TRIOBP: variants seen among roughly 807,000 people sequenced by gnomAD.
TRIOBP encodes TRIO and F-actin-binding protein.
In TRIOBP, 169 loss-of-function variants were observed where a neutral mutation model predicts 238.8. That is an observed-to-expected ratio of 0.71 (90% CI 0.62 to 0.80). The LOEUF is 0.80. Ranked by LOEUF, TRIOBP falls within the 30% of genes least tolerant of loss-of-function variation. The pLI is 0.00. For synonymous variants in TRIOBP, 1,150 were observed against 1,274.4 expected (o/e 0.90, Z 2.08); for missense variants, 2,838 against 3,122.6 (o/e 0.91, Z 2.17).
chr22:37,750,660 G>A (rs1569054113), intron 11 of TRIOBP: 1 of 471,012 alleles, frequency 2.1e-6, no homozygotes, highest in Non-Finnish European at 4.4e-6. Context: ...GGAGGGGCTG[G>A]GATGCCAACC....
chr22:37,725,628 T>G lies in TRIOBP; in HGVS notation c.3072T>G (p.Pro1024=). 1 of 1,581,316 alleles carries G rather than the reference T, an allele frequency of 6.3e-7. No individual in the cohort carries two copies. Among genetic ancestry groups the G allele is most frequent in the Non-Finnish European group, 8.6e-7 (1 of 1,165,588 alleles). The change falls in exon 7 of 24, where the codon CCT becomes CCG. Residue 1024 remains proline (P), a synonymous_variant. Transcript: ENST00000644935. ...TGTGCATTGGGCACCGGGATGCCCC[T>G]CGAGCCTCTTCGCCCCCTCGCTATT... ...CAVCIGHRDA[P]RASSPPRYLQ...
intron 17 of TRIOBP, among the ~76,000 whole-genome samples, chr22:37,761,957 T>A (rs1338448285): frequency 1.3e-5 from 2 of 150,054 alleles, no homozygotes; most frequent in Non-Finnish European, 3.0e-5. Flanking sequence ...CCAGGGGGCT[T>A]CTGCCTGCGT....
chr22:37,734,559 G>A lies in TRIOBP; in HGVS notation c.4223G>A (p.Arg1408Gln), dbSNP rs368100233. 24 of 1,589,340 alleles carry A rather than the reference G, an allele frequency of 1.5e-5. No individual in the cohort carries two copies. In the African/African-American group the frequency reaches 2.3e-4, roughly 15 times the overall value. The change falls in exon 9 of 24, where the codon CGG (arginine) becomes CAG (glutamine). Residue 1408 changes from arginine (R) to glutamine (Q), a missense_variant. Arg to Gln is a conservative substitution (Grantham distance 43, BLOSUM62 1). This residue lies in a region of TRIOBP where 2,096 missense variants were observed against 2,137.4 expected (regional missense o/e 0.98). Transcript: ENST00000644935. ...TSARTPEREL[R>Q]TQRPLESGQA... ...GCCAGGACCCCTGAGAGGGAGCTGCGGACACAGAGACCTCTGGAGAGTGGC... is the reference window on the plus strand; with the variant it reads ...GCCAGGACCCCTGAGAGGGAGCTGCAGACACAGAGACCTCTGGAGAGTGGC...
In TRIOBP at chr22:37,701,497, G is replaced by A. The variant is rs372772150; in HGVS notation, c.114+18G>A. The A allele has an allele frequency of 1.7e-5, 26 of 1,574,268 alleles. No homozygotes were observed. The African/African-American group carries it at 2.2e-4, about 13-fold the overall frequency. ...GATACCAGGTGGGCCAGTTTTCCAC[G>A]TGGTTGGGGTGGTTTGTGATGGGGG... On this transcript the variant is annotated intron_variant, in intron 3 of 23. Coordinates refer to ENST00000644935, the MANE Select transcript of TRIOBP (RefSeq NM_001039141.3).
chr22:37,735,053 G>A lies in TRIOBP; in HGVS notation c.4717G>A (p.Val1573Ile), dbSNP rs763491817. The A allele has an allele frequency of 6.2e-6, 10 of 1,607,368 alleles. No individual in the cohort carries two copies. The highest frequency in any genetic ancestry group is 1.3e-5 in the African/African-American group (1 of 74,790). Residue 1573 changes from valine to isoleucine, a missense_variant, in exon 9 of 24, where the codon GTC becomes ATC. Val to Ile is a conservative substitution (Grantham distance 29, BLOSUM62 3). Around this residue, in one of 5 missense-constraint regions of TRIOBP, gnomAD observed 2,096 missense variants for 2,137.4 expected, o/e 0.98. Coordinates refer to ENST00000644935, the MANE Select transcript of TRIOBP (RefSeq NM_001039141.3). ...CCTTCTCCGGGCACCAGGAGAGGGG[G>A]TCTGGGCCCGTGTCCCCAGCCTGGA... ...LGLLRAPGEG[V>I]WARVPSLDWE...
intron 15 of TRIOBP, among the ~76,000 whole-genome samples, chr22:37,756,680 A>T (rs1452481826): frequency 1.3e-5 from 2 of 152,238 alleles, no homozygotes; most frequent in Non-Finnish European, 2.9e-5. Flanking sequence ...CTGCCGTTTC[A>T]GGGGAGCCAC....
intron 6 of TRIOBP, among the ~76,000 whole-genome samples, chr22:37,716,153 C>G (rs932990577): frequency 1.3e-5 from 2 of 152,142 alleles, no homozygotes; most frequent in African/African-American, 4.8e-5. Context: ...GCTCTGTTGC[C>G]CAGGCTAGAG....
intron 7 of TRIOBP, among the ~76,000 whole-genome samples, chr22:37,732,942 G>C (rs1156564237): frequency 6.6e-6 from 1 of 152,248 alleles, no homozygotes; most frequent in East Asian, 1.9e-4. Context: ...ACCTTTGTCT[G>C]GGGGTGGCTC....
At position 37,745,127 on chromosome 22, in the gene TRIOBP, G is replaced by A. The variant is rs528168119; in HGVS notation, c.5322+4095G>A. On this transcript the variant is annotated intron_variant, in intron 11 of 23. Transcript: ENST00000644935. ...GATCCACCCACCTCAGCCTCCCAAA[G>A]TGTTGGGATTACAGACCTGAACCAC... Among the ~76,000 whole-genome samples the A allele has an allele frequency of 9.2e-5, 14 of 152,210 alleles. No individual in the cohort carries two copies. The South Asian group carries it at 2.9e-3, about 32-fold the overall frequency.
In TRIOBP at chr22:37,725,674, T is replaced by A; in HGVS notation, c.3118T>A (p.Phe1040Ile). The A allele has an allele frequency of 6.2e-7, 1 of 1,611,016 alleles. No homozygotes were observed. Among genetic ancestry groups the A allele is most frequent in the Non-Finnish European group, 8.5e-7 (1 of 1,179,156 alleles). ...CTATTTGCAGCACGACCCCTTCCCCTTCTTCCCAGAGCCCCGCGCCCCTGA... is the reference window on the plus strand; with the variant it reads ...CTATTTGCAGCACGACCCCTTCCCCATCTTCCCAGAGCCCCGCGCCCCTGA... ...PRYLQHDPFP[F>I]FPEPRAPESE... The change falls in exon 7 of 24, where the codon TTC (phenylalanine) becomes ATC (isoleucine). Residue 1040 changes from phenylalanine (F) to isoleucine (I), a missense_variant. Around this residue, in one of 5 missense-constraint regions of TRIOBP, gnomAD observed 2,096 missense variants for 2,137.4 expected, o/e 0.98. Coordinates refer to ENST00000644935, the MANE Select transcript of TRIOBP (RefSeq NM_001039141.3).
rs1442841623 is a variant in TRIOBP, at chr22:37,751,189, G to A, written c.5323-583G>A. On this transcript the variant is annotated intron_variant, in intron 11 of 23. Transcript: ENST00000644935. ...ACCCCGGGGCTGTGCCCCCCTGGGC[G>A]GCACCCAGAAGGTAGGGCTTGCCAG... The A allele has an allele frequency of 3.3e-5, 13 of 389,830 alleles. No homozygotes were observed. The East Asian group carries it at 7.0e-4, about 21-fold the overall frequency. 24.1% of individuals were successfully genotyped at this position (389,830 alleles called of 1,614,324 possible).
At chr22:37,734,066 C>G (rs1924546009) in intron 8 of TRIOBP, among the ~76,000 whole-genome samples, 2 of 152,226 alleles carry the variant, frequency 1.3e-5, no homozygotes, top group Admixed American at 6.5e-5. Flanking sequence ...TAACCAAACC[C>G]AGAGGGCTAG....
intron 9 of TRIOBP, among the ~76,000 whole-genome samples, chr22:37,737,379 C>T (rs1924723243): frequency 6.6e-6 from 1 of 152,110 alleles, no homozygotes; most frequent in Non-Finnish European, 1.5e-5. Context: ...TGGCTTGGCA[C>T]AGCTGGGTGC....
At chr22:37,755,689 G>A (rs1925882760) in intron 15 of TRIOBP, 30 bp downstream of exon 15, 1 of 1,604,144 alleles carries the variant, frequency 6.2e-7, no homozygotes, top group Non-Finnish European at 8.5e-7. Flanking sequence ...GGGGCCTTGA[G>A]GGAGGCACTT....
intron 7 of TRIOBP, among the ~76,000 whole-genome samples, chr22:37,728,918 CT>C (rs935004304): frequency 2.7e-5 from 4 of 149,940 alleles, no homozygotes; most frequent in African/African-American, 2.4e-5. Flanking sequence ...GTGTCTTTAA[CT>C]TTTTTTTTTG....
rs58335859 is a variant in TRIOBP at position 37,746,215 on chromosome 22, G to GAAA, written c.5322+5198_5322+5200dup. 0.35 allele frequency: 311,556 copies of GAAA among 892,046 alleles called. 11,471 individuals are homozygous for GAAA. The highest frequency in any genetic ancestry group is 0.49 in the East Asian group (4,276 of 8,808). The allele number at this position is 892,046 out of a possible 1,614,324, so 55.3% of individuals were successfully genotyped here. The stretch of plus-strand genomic sequence containing the variant: ...CCGCTCGGGTCCTCCCAGGAAGTTT[G>GAAA]AAAAAAAAAAAAAAAAAGTTTTATG... On this transcript the variant is annotated intron_variant, in intron 11 of 23. Transcript: ENST00000644935.
At chr22:37,770,025 G>T (rs978849825) in intron 21 of TRIOBP, among the ~76,000 whole-genome samples, 1 of 150,208 alleles carries the variant, frequency 6.7e-6, no homozygotes, top group Non-Finnish European at 1.5e-5. Context: ...ACCACACCCG[G>T]CCTTAGTATT....
chr22:37,709,679 T>C (rs938055154), intron 3 of TRIOBP, among the ~76,000 whole-genome samples: 3 of 152,056 alleles, frequency 2.0e-5, no homozygotes, highest in African/African-American at 4.8e-5. Flanking sequence ...TGGGGAGGAA[T>C]TGGGGGGGGC....
intron 3 of TRIOBP, among the ~76,000 whole-genome samples, chr22:37,702,631 TCTC>T (rs1260968643): frequency 7.1e-6 from 1 of 140,782 alleles, no homozygotes; most frequent in African/African-American, 2.7e-5. Context: ...TCTTTCTCTC[TCTC>T]TTTTTTTTTT....
Sources: gnomAD v4.1 joint callset for allele counts (sites outside exome capture counted in the v4.1 genomes callset) on GRCh38, gnomAD v4.1.1 for gene constraint, gnomAD v4.1.1 regional missense constraint, MANE v1.5 for transcripts, NCBI Gene and HGNC (gene_info 2026-07-23, HGNC 2026-07-21) for gene names.